CDH18: variants seen among roughly 807,000 people sequenced by gnomAD.
CDH18 encodes the protein cadherin 18.
A neutral mutation model predicts 67.9 loss-of-function variants in CDH18; 31 were observed. The ratio of observed to expected loss-of-function variants is 0.46; its 90% CI spans 0.34 to 0.62. The LOEUF is 0.62. Ranked by LOEUF, CDH18 falls within the 20% of genes least tolerant of loss-of-function variation. The probability of loss-of-function intolerance (pLI) is 0.01; values close to 1 mark genes in which losing one functional copy is unlikely to be tolerated. For synonymous variants in CDH18, 362 were observed against 347.2 expected, an observed-to-expected ratio of 1.04 and a Z score of -0.48; for missense variants, 890 against 975.5, an observed-to-expected ratio of 0.91 and a Z score of 1.17.
intron 5 of CDH18, among the ~76,000 whole-genome samples, chr5:19,629,133 T>C (rs13159030): frequency 0.36 from 54,689 of 151,954 alleles, 11,764 homozygotes; most frequent in Middle Eastern, 0.54. Flanking sequence ...AAATGTTACG[T>C]TAAGTGAATT....
rs1194831195 is a variant in CDH18, at chr5:20,501,549, TATATATA to T, written c.-580+73906_-580+73912del. Among the ~76,000 whole-genome samples the T allele has an allele frequency of 2.4e-3, 61 of 25,684 alleles. 1 individual carries two copies. The highest frequency in any genetic ancestry group is 0.017 in the South Asian group (10 of 572). 16.8% of individuals were successfully genotyped at this position (25,684 alleles called of 152,430 possible). A position where few individuals can be genotyped will look rare whatever the true frequency, so the allele number is the denominator to read the frequency against. ...TATTATATATATTATATACATATTA[TATATATA>T]ATATATATATATAATATATATATAT... On this transcript the variant is annotated intron_variant, in intron 1 of 14. Coordinates refer to the CDH18 transcript ENST00000507958.
intron 2 of CDH18, among the ~76,000 whole-genome samples, chr5:19,994,851 T>TAGAG (rs796697683): frequency 0.013 from 526 of 39,192 alleles, 59 homozygotes; most frequent in Middle Eastern, 0.024. Context: ...TATATATATA[T>TAGAG]ATATAGAGAG....
intron 2 of CDH18, among the ~76,000 whole-genome samples, chr5:19,953,810 A>G (rs1281169028): frequency 6.6e-6 from 1 of 152,052 alleles, no homozygotes; most frequent in Non-Finnish European, 1.5e-5. Flanking sequence ...TAGTCAAACT[A>G]TGAGGTTGTT....
At chr5:20,541,888 T>C (rs1757069452) in intron 1 of CDH18, among the ~76,000 whole-genome samples, 1 of 152,186 alleles carries the variant, frequency 6.6e-6, no homozygotes, top group Admixed American at 6.6e-5. Context: ...AGGTTAAACA[T>C]TCATTAGCTT....
intron 1 of CDH18, among the ~76,000 whole-genome samples, chr5:20,509,635 A>G (rs561946876): frequency 6.6e-6 from 1 of 152,160 alleles, no homozygotes; most frequent in African/African-American, 2.4e-5. Flanking sequence ...TGGCCAGGAT[A>G]GTCTCGATCT....
At chr5:20,561,302 A>T (rs540820608) in intron 1 of CDH18, among the ~76,000 whole-genome samples, 1 of 152,224 alleles carries the variant, frequency 6.6e-6, no homozygotes, top group East Asian at 1.9e-4. Flanking sequence ...AACACTGCAC[A>T]TGGATGTTTA....
intron 2 of CDH18, among the ~76,000 whole-genome samples, chr5:19,851,670 A>G (rs56162427): frequency 0.02 from 3,092 of 152,006 alleles, 106 homozygotes; most frequent in African/African-American, 0.068. Context: ...CTTATTTTTT[A>G]CTACCACATA....
intron 2 of CDH18, among the ~76,000 whole-genome samples, chr5:20,248,747 A>T (rs757456225): frequency 2.0e-5 from 3 of 152,186 alleles, no homozygotes; most frequent in Non-Finnish European, 4.4e-5. Flanking sequence ...TACAAGCATA[A>T]GCGAACGTTG....
intron 1 of CDH18, among the ~76,000 whole-genome samples, chr5:20,400,604 A>AAG (rs1745678988): frequency 6.6e-6 from 1 of 150,994 alleles, no homozygotes; most frequent in African/African-American, 2.4e-5. Context: ...AATACAAAAA[A>AAG]AAAAACCAGC....
Position 19,543,944 on chromosome 5 carries a change from T to C in CDH18, c.1315A>G (p.Thr439Ala). The change falls in exon 9 of 13, where the codon ACC becomes GCC. Residue 439 changes from threonine to alanine, a missense_variant. Coordinates refer to ENST00000382275, the MANE Select transcript of CDH18 (RefSeq NM_004934.5). ...TCGAGAACCTTTGTAGTCCTAATGG[T>C]CCCAGTATTGGCATCAATGTTGAAA... is the stretch of plus-strand genomic sequence containing the variant. ...RFFNIDANTGTIRTTKVLDRE... is the reference protein window; with the variant it reads ...RFFNIDANTGAIRTTKVLDRE... 6.3e-7 allele frequency: 1 copy of C among 1,597,592 alleles called. No homozygotes were observed. Among genetic ancestry groups the C allele is most frequent in the South Asian group, 1.1e-5 (1 of 89,446 alleles).
intron 1 of CDH18, among the ~76,000 whole-genome samples, chr5:20,360,244 C>T (rs1398841832): frequency 6.6e-6 from 1 of 151,144 alleles, no homozygotes; most frequent in African/African-American, 2.4e-5. Flanking sequence ...TATTCTTTCT[C>T]CAGCTTACAA....
chr5:20,119,240 T>C (rs1748161596), intron 2 of CDH18, among the ~76,000 whole-genome samples: 1 of 152,188 alleles, frequency 6.6e-6, no homozygotes, highest in South Asian at 2.1e-4. Context: ...CCTCTAGTTC[T>C]TCCCTCAGAA....
chr5:20,240,911 T>C (rs929485892), intron 2 of CDH18, among the ~76,000 whole-genome samples: 2 of 152,168 alleles, frequency 1.3e-5, no homozygotes, highest in African/African-American at 2.4e-5. Flanking sequence ...TTTGATGATA[T>C]AGAAAAAACA....
intron 2 of CDH18, among the ~76,000 whole-genome samples, chr5:20,191,503 T>C (rs1425344267): frequency 6.6e-6 from 1 of 151,966 alleles, no homozygotes; most frequent in African/African-American, 2.4e-5. Context: ...TCCTCTAAGT[T>C]CCCTCCCCTC....
chr5:20,364,107 C>T (rs1283964917), intron 1 of CDH18, among the ~76,000 whole-genome samples: 4 of 151,964 alleles, frequency 2.6e-5, no homozygotes, highest in Non-Finnish European at 4.4e-5. Flanking sequence ...CTTTTATTAT[C>T]GTTAATGTTG....
intron 5 of CDH18, among the ~76,000 whole-genome samples, chr5:19,654,733 C>T (rs1362689980): frequency 6.6e-6 from 1 of 152,144 alleles, no homozygotes; most frequent in Non-Finnish European, 1.5e-5. Context: ...ATCACACAGA[C>T]AAACTGAAGG....
intron 1 of CDH18, among the ~76,000 whole-genome samples, chr5:20,551,454 G>A (rs775434385): frequency 6.6e-6 from 1 of 152,090 alleles, no homozygotes; most frequent in Non-Finnish European, 1.5e-5. Context: ...GCAAGTTAAG[G>A]TTGTGACTTC....
intron 1 of CDH18, among the ~76,000 whole-genome samples, chr5:20,468,880 GC>G (rs1751854866): frequency 6.6e-6 from 1 of 152,142 alleles, no homozygotes; most frequent in Admixed American, 6.5e-5. Context: ...TAGGTAAAGG[GC>G]TAAATTTAAA....
chr5:19,547,884 G>A (rs1474199487), intron 8 of CDH18, among the ~76,000 whole-genome samples: 1 of 152,032 alleles, frequency 6.6e-6, no homozygotes, highest in Non-Finnish European at 1.5e-5. Context: ...ACCACTTTTG[G>A]CTTTCTGCCC....
Sources: gnomAD v4.1 joint callset for allele counts (sites outside exome capture counted in the v4.1 genomes callset) on GRCh38, gnomAD v4.1.1 for gene constraint, MANE v1.5 for transcripts, NCBI Gene and HGNC (gene_info 2026-07-23, HGNC 2026-07-21) for gene names.